The following MDGA1 variants were observed in gnomAD, a reference collection of about 807,000 sequenced individuals.
MDGA1 encodes the protein MAM domain-containing glycosylphosphatidylinositol anchor protein 1.
Under a neutral mutation model 101.5 loss-of-function variants are expected in MDGA1, and 54 were observed. The observed-to-expected ratio is 0.53, with a 90% CI of 0.43 to 0.67. MDGA1 has a LOEUF of 0.67. Among genes scored for constraint, MDGA1 ranks in the 30% least tolerant of loss-of-function variants. The pLI is 0.00. For synonymous variants in MDGA1, 533 were observed against 558.3 expected, an observed-to-expected ratio of 0.95 and a Z score of 0.64; for missense variants, 1,083 against 1,323.8, an observed-to-expected ratio of 0.82 and a Z score of 2.82.
chr6:37,682,712 ATC>A (rs921045356), intron 1 of MDGA1, among the ~76,000 whole-genome samples: 7 of 152,164 alleles, frequency 4.6e-5, no homozygotes, highest in African/African-American at 1.4e-4. Flanking sequence ...ATTCTAGATC[ATC>A]TCTGTCTTGT....
rs1761454046 is a variant in MDGA1 at position 37,655,046 on chromosome 6, T to C, written c.580-114A>G. On this transcript the variant is annotated intron_variant, in intron 4 of 16. Transcript: ENST00000434837. The surrounding 1 kb of genome is among the most constrained non-coding windows in gnomAD (Gnocchi z 5.1). Reference sequence around the variant, plus strand: ...CAAATGCCTGTCTAATTCCTCTCTTTCCATCCCCAACCCCACCCTCACCAT... The same window carrying C: ...CAAATGCCTGTCTAATTCCTCTCTTCCCATCCCCAACCCCACCCTCACCAT... The C allele has an allele frequency of 7.6e-7, 1 of 1,323,450 alleles. No homozygotes were observed. The highest frequency in any genetic ancestry group is 1.5e-5 in the African/African-American group (1 of 68,340). 82.0% of individuals were successfully genotyped at this position (1,323,450 alleles called of 1,614,324 possible).
chr6:37,697,629 G>GGGCGCCGCTCGCCGCC lies in MDGA1; in HGVS notation c.-834_-819dup. ...CTCGCCCAGGCCGGGGCTGCGGCGC[G>GGGCGCCGCTCGCCGCC]GGCGCCGCTCGCCGCCTCCGCTCGC... On this transcript the variant is annotated 5_prime_UTR_variant, in exon 1 of 17. Transcript: ENST00000434837. 6.6e-6 allele frequency: 1 copy of GGGCGCCGCTCGCCGCC among 152,010 alleles called. No individual in the cohort carries two copies. The highest frequency in any genetic ancestry group is 1.5e-5 in the Non-Finnish European group (1 of 67,974). The allele number at this position is 152,010 out of a possible 1,614,324, so 9.4% of individuals were successfully genotyped here.
intron 1 of MDGA1, among the ~76,000 whole-genome samples, chr6:37,670,655 C>T (rs1236639273): frequency 6.6e-6 from 1 of 152,220 alleles, no homozygotes; most frequent in East Asian, 1.9e-4. Flanking sequence ...GCACTCCTCT[C>T]AAGAATTCAC....
intron 14 of MDGA1, among the ~76,000 whole-genome samples, chr6:37,640,730 G>A (rs978762598): frequency 2.0e-5 from 3 of 152,118 alleles, no homozygotes; most frequent in African/African-American, 7.2e-5. Context: ...GGGAGGGGAC[G>A]GTGAAAAAGC....
chr6:37,671,509 T>C (rs2114069724), intron 1 of MDGA1, among the ~76,000 whole-genome samples: 1 of 152,310 alleles, frequency 6.6e-6, no homozygotes, highest in South Asian at 2.1e-4. Context: ...AGCATCCTAA[T>C]GAGCACAGCC....
chr6:37,681,006 C>A (rs1029537671), intron 1 of MDGA1, among the ~76,000 whole-genome samples: 5 of 151,782 alleles, frequency 3.3e-5, no homozygotes, highest in African/African-American at 1.2e-4. Flanking sequence ...GCCCCCCCCC[C>A]CCAGGAAACC....
intron 1 of MDGA1, among the ~76,000 whole-genome samples, chr6:37,682,681 C>A (rs1762122443): frequency 6.6e-6 from 1 of 152,204 alleles, no homozygotes; most frequent in South Asian, 2.1e-4. Flanking sequence ...CCCGCTGGCT[C>A]TGTCACTTTA....
chr6:37,688,277 T>C (rs1485676024), intron 1 of MDGA1, among the ~76,000 whole-genome samples: 1 of 152,202 alleles, frequency 6.6e-6, no homozygotes, highest in Non-Finnish European at 1.5e-5. Flanking sequence ...GGGTTTCTGA[T>C]TCAGGAGGCC....
intron 6 of MDGA1, among the ~76,000 whole-genome samples, chr6:37,653,611 AAAAC>A (rs879306118): frequency 8.5e-5 from 13 of 152,242 alleles, no homozygotes; most frequent in African/African-American, 1.4e-4. Context: ...AAAAGAAAAG[AAAAC>A]AAACAAAATC....
chr6:37,652,304 A>C lies in MDGA1; in HGVS notation c.1019T>G (p.Val340Gly). 6.2e-7 allele frequency: 1 copy of C among 1,613,616 alleles called. No homozygotes were observed. Among genetic ancestry groups the C allele is most frequent in the Non-Finnish European group, 8.5e-7 (1 of 1,179,712 alleles). ...CTGGATGTTCTCACTCTCTTTGATC[A>C]CGTCAGGAGTGATCTGGAATGTAGC... ...KNATFQITPDVIKESENIQLG... is the reference protein window; with the variant it reads ...KNATFQITPDGIKESENIQLG... The change falls in exon 7 of 17, where the codon GTG becomes GGG. Residue 340 changes from valine to glycine, a missense_variant. Physicochemically the swap from Val to Gly is moderately radical, Grantham distance 109. This residue lies in a region of MDGA1 where 116 missense variants were observed against 196.6 expected (regional missense o/e 0.59). Transcript: ENST00000434837. This position sits in a 1 kb window ranked among gnomAD's most constrained non-coding sequence, Gnocchi z 4.3.
At position 37,647,339 on chromosome 6, in the gene MDGA1, A is replaced by G; in HGVS notation, c.1895-15T>C. 2 of 1,490,528 alleles carry G rather than the reference A, an allele frequency of 1.3e-6. No homozygotes were observed. The highest frequency in any genetic ancestry group is 1.8e-6 in the Non-Finnish European group (2 of 1,102,400). The allele number at this position is 1,490,528 out of a possible 1,614,324, so 92.3% of individuals were successfully genotyped here. ...GTAGGCTTTGGCTAAGAGGGCGGGG[A>G]GGGGGGCATTGGGCCGTGGAGGGTG... On this transcript the variant is annotated splice_polypyrimidine_tract_variant and intron_variant, in intron 9 of 16. Coordinates refer to ENST00000434837, the MANE Select transcript of MDGA1 (RefSeq NM_153487.4).
At chr6:37,664,443 C>T (rs1761697374) in intron 1 of MDGA1, 1 of 210,676 alleles carries the variant, frequency 4.7e-6, no homozygotes, top group Admixed American at 5.6e-5. Flanking sequence ...CGGTGGATGC[C>T]ATCGGTGCCC....
In MDGA1 at chr6:37,633,041, A is replaced by C. The variant is rs1439635964; in HGVS notation, c.*4327T>G. The C allele has an allele frequency of 6.6e-6, 1 of 152,128 alleles. No homozygotes were observed. Among genetic ancestry groups the C allele is most frequent in the East Asian group, 1.9e-4 (1 of 5,174 alleles). The allele number at this position is 152,128 out of a possible 1,614,324, so 9.4% of individuals were successfully genotyped here. A position where few individuals can be genotyped will look rare whatever the true frequency, so the allele number is the denominator to read the frequency against. On this transcript the variant is annotated 3_prime_UTR_variant, in exon 17 of 17. Coordinates refer to ENST00000434837, the MANE Select transcript of MDGA1 (RefSeq NM_153487.4). The stretch of plus-strand genomic sequence containing the variant: ...CCCTGGGAAATGAGTGCAGGCAACA[A>C]GAGGGCAAGGGGTGGGGTGGGCAGA...
intron 1 of MDGA1, among the ~76,000 whole-genome samples, chr6:37,668,346 C>CAGT (rs2060921522): frequency 6.6e-6 from 1 of 151,940 alleles, no homozygotes; most frequent in Admixed American, 6.6e-5. Flanking sequence ...GAAATTCAGG[C>CAGT]AGTACCTACT....
intron 1 of MDGA1, among the ~76,000 whole-genome samples, chr6:37,692,148 G>A (rs1762321170): frequency 6.6e-6 from 1 of 152,280 alleles, no homozygotes; most frequent in South Asian, 2.1e-4. Flanking sequence ...GCCCACAGGA[G>A]CCCAGGAAAG....
intron 2 of MDGA1, among the ~76,000 whole-genome samples, chr6:37,660,929 T>C (rs947724148): frequency 2.6e-5 from 4 of 152,246 alleles, no homozygotes. Flanking sequence ...TGGATTCATA[T>C]GTCCAAAACA....
chr6:37,656,632 T>C (rs3857569), intron 3 of MDGA1, among the ~76,000 whole-genome samples: 93,476 of 151,750 alleles, frequency 0.62, 29,616 homozygotes, highest in East Asian at 0.85. Flanking sequence ...CTCAGCCTCC[T>C]GAAATGCTGG....
chr6:37,637,659 G>T (rs1246613229), intron 16 of MDGA1, among the ~76,000 whole-genome samples, 200 bp from the exon 17 acceptor site: 1 of 152,142 alleles, frequency 6.6e-6, no homozygotes, highest in Non-Finnish European at 1.5e-5. Flanking sequence ...AGCTCAGCCT[G>T]CCAGGGTTCA....
rs1026169187 is a variant in MDGA1, at chr6:37,658,534, G to A, written c.208-115C>T. On this transcript the variant is annotated intron_variant, in intron 2 of 16. Coordinates refer to ENST00000434837, the MANE Select transcript of MDGA1 (RefSeq NM_153487.4). ...CTCCCATACTTTTTCACAAGCGCACGTGGGGCACACGCAGGCCTAGGAAAC... is the reference window on the plus strand; with the variant it reads ...CTCCCATACTTTTTCACAAGCGCACATGGGGCACACGCAGGCCTAGGAAAC... 1.4e-5 allele frequency: 15 copies of A among 1,108,460 alleles called. No homozygotes were observed. The Admixed American group carries it at 2.5e-4, about 19-fold the overall frequency. 68.7% of individuals were successfully genotyped at this position (1,108,460 alleles called of 1,614,324 possible). A position where few individuals can be genotyped will look rare whatever the true frequency, so the allele number is the denominator to read the frequency against.
Sources: allele counts gnomAD v4.1 joint callset (sites outside exome capture counted in the v4.1 genomes callset), GRCh38; gene constraint gnomAD v4.1.1; regional missense constraint gnomAD v4.1.1; non-coding constraint Gnocchi (gnomAD v3.1); transcripts MANE v1.5; gene names NCBI Gene and HGNC (gene_info 2026-07-23, HGNC 2026-07-21).